Variants in LDAH observed in about 807,000 individuals in gnomAD.
LDAH encodes lipid droplet-associated hydrolase.
Under a neutral mutation model 29.6 loss-of-function variants are expected in LDAH, and 26 were observed. That is an observed-to-expected ratio of 0.88 (90% CI 0.64 to 1.22). LDAH has a LOEUF of 1.22. Ranked by LOEUF, LDAH falls within the 50% of genes most tolerant of loss-of-function variation. LDAH has a pLI of 0.00. For missense variants in LDAH, 344 were observed against 387.3 expected, an observed-to-expected ratio of 0.89 and a Z score of 0.94; for synonymous variants, 117 against 133.0, an observed-to-expected ratio of 0.88 and a Z score of 0.83.
intron 4 of LDAH, among the ~76,000 whole-genome samples, chr2:20,769,167 G>T (rs1197528289): frequency 6.6e-6 from 1 of 152,092 alleles, no homozygotes; most frequent in Admixed American, 6.5e-5. Context: ...AGAATGCACA[G>T]TACCCCCTAG....
chr2:20,759,137 A>T (rs570685767), intron 4 of LDAH, among the ~76,000 whole-genome samples: 2 of 152,174 alleles, frequency 1.3e-5, no homozygotes, highest in Non-Finnish European at 2.9e-5. Context: ...AGAAGCTCCC[A>T]TAACAGTACT....
At position 20,823,085 on chromosome 2, in the gene LDAH, G is replaced by A. The variant is rs1225101399; in HGVS notation, c.-51C>T. 1 of 152,278 alleles carries A rather than the reference G, an allele frequency of 6.6e-6. No homozygotes were observed. Among genetic ancestry groups the A allele is most frequent in the Non-Finnish European group, 1.5e-5 (1 of 68,124 alleles). The allele number at this position is 152,278 out of a possible 1,614,324, so 9.4% of individuals were successfully genotyped here. A position where few individuals can be genotyped will look rare whatever the true frequency, so the allele number is the denominator to read the frequency against. ...CTCTCCCTGAGGGTCCTGGGAAGGCGGCACGAGACCGGAAGTGCCCCCCTC... is the reference window on the plus strand; with the variant it reads ...CTCTCCCTGAGGGTCCTGGGAAGGCAGCACGAGACCGGAAGTGCCCCCCTC... On this transcript the variant is annotated 5_prime_UTR_variant, in exon 1 of 7. Coordinates refer to ENST00000237822, the MANE Select transcript of LDAH (RefSeq NM_021925.4).
rs1663704026 is a variant in LDAH at position 20,698,880 on chromosome 2, G to C, written c.786+2690C>G. 6.6e-6 allele frequency among the ~76,000 whole-genome samples: 1 copy of C among 152,132 alleles called. No homozygotes were observed. Among genetic ancestry groups the C allele is most frequent in the Admixed American group, 6.5e-5 (1 of 15,278 alleles). On this transcript the variant is annotated intron_variant, in intron 6 of 6. Coordinates refer to ENST00000237822, the MANE Select transcript of LDAH (RefSeq NM_021925.4). This position sits in a 1 kb window ranked among gnomAD's most constrained non-coding sequence, Gnocchi z 4.4. ...TAATCAGCTCAACAGATCTTTTAGAGCTAAAAATGCCCATTTTCCTCAAGC... is the reference window on the plus strand; with the variant it reads ...TAATCAGCTCAACAGATCTTTTAGACCTAAAAATGCCCATTTTCCTCAAGC...
chr2:20,777,528 A>G (rs934898242), intron 3 of LDAH, among the ~76,000 whole-genome samples: 2 of 152,092 alleles, frequency 1.3e-5, no homozygotes, highest in Non-Finnish European at 2.9e-5. Context: ...GGGTTCAAGC[A>G]ATTCTCATGA....
chr2:20,790,379 G>T lies in LDAH; in HGVS notation c.174C>A (p.Ala58=). ...FIIPGNPGFS[A]FYVPFAKALY... ...AAGCCTTTGCAAATGGCACATAAAA[G>T]GCAGAAAAACCTGGGTTACCTAAGA... is the stretch of plus-strand genomic sequence containing the variant. The change falls in exon 3 of 7, where the codon GCC becomes GCA. Residue 58 remains alanine (A), a synonymous_variant. Transcript: ENST00000237822. 1.9e-6 allele frequency: 3 copies of T among 1,613,048 alleles called. No individual in the cohort carries two copies. The highest frequency in any genetic ancestry group is 2.5e-6 in the Non-Finnish European group (3 of 1,179,700).
At chr2:20,719,307 T>C (rs1450740121) in intron 5 of LDAH, among the ~76,000 whole-genome samples, 2 of 142,802 alleles carry the variant, frequency 1.4e-5, no homozygotes, top group Non-Finnish European at 3.0e-5. Context: ...AAAGGAAACA[T>C]TACAACTGGT....
chr2:20,701,896 CAG>C (rs1663969280), intron 5 of LDAH, among the ~76,000 whole-genome samples: 1 of 152,198 alleles, frequency 6.6e-6, no homozygotes, highest in South Asian at 2.1e-4. Context: ...AAAAGTTTAA[CAG>C]TGCCACAGCC....
intron 5 of LDAH, among the ~76,000 whole-genome samples, chr2:20,710,777 T>G (rs1664697581): frequency 6.7e-6 from 1 of 150,292 alleles, no homozygotes. Context: ...ATATGACTAT[T>G]TTGTTTTTGG....
chr2:20,742,906 C>A lies in LDAH; in HGVS notation c.469-2701G>T, dbSNP rs183894064. ...TTCTGAGTAGCTGGGGCTACAGGCA[C>A]ACACCACCACGCCTGGCTAATTTTT... On this transcript the variant is annotated intron_variant, in intron 4 of 6. Transcript: ENST00000237822. Among the ~76,000 whole-genome samples the A allele has an allele frequency of 7.8e-3, 1,171 of 150,638 alleles. 18 individuals carry two copies. The highest frequency in any genetic ancestry group is 0.027 in the African/African-American group (1,123 of 40,948).
At chr2:20,704,530 T>C (rs2149359484) in intron 5 of LDAH, among the ~76,000 whole-genome samples, 1 of 152,288 alleles carries the variant, frequency 6.6e-6, no homozygotes, top group South Asian at 2.1e-4. Context: ...TATTTAAAAA[T>C]AATAGTAACT....
intron 4 of LDAH, among the ~76,000 whole-genome samples, chr2:20,770,909 G>C (rs1024411568): frequency 4.6e-5 from 7 of 152,054 alleles, no homozygotes; most frequent in African/African-American, 1.7e-4. Flanking sequence ...TGAAAGATGG[G>C]GCCAGATTGT....
At chr2:20,722,537 T>C (rs1179135092) in intron 5 of LDAH, among the ~76,000 whole-genome samples, 2 of 152,124 alleles carry the variant, frequency 1.3e-5, no homozygotes, top group Non-Finnish European at 2.9e-5. Flanking sequence ...CTGTATTTGA[T>C]AATGCAGTGG....
intron 5 of LDAH, among the ~76,000 whole-genome samples, chr2:20,726,168 C>CA (rs1666000153): frequency 6.6e-6 from 1 of 152,320 alleles, no homozygotes; most frequent in Admixed American, 6.5e-5. Context: ...AACTGCCTAT[C>CA]AGGCTCTGGT....
At position 20,798,764 on chromosome 2, in the gene LDAH, GATA is replaced by G. The variant is rs149537500; in HGVS notation, c.154+2543_154+2545del. On this transcript the variant is annotated intron_variant, in intron 2 of 6. Coordinates refer to ENST00000237822, the MANE Select transcript of LDAH (RefSeq NM_021925.4). The stretch of plus-strand genomic sequence containing the variant: ...TTTTCTTTCATGGAGGAAGACAATA[GATA>G]ACATCTAATATTAAAAACTCAGGAG... 5.7e-3 allele frequency among the ~76,000 whole-genome samples: 869 copies of G among 151,910 alleles called. 9 individuals are homozygous for G. The highest frequency in any genetic ancestry group is 0.02 in the African/African-American group (820 of 41,456).
intron 5 of LDAH, among the ~76,000 whole-genome samples, chr2:20,715,369 T>A (rs1665100961): frequency 6.6e-6 from 1 of 152,168 alleles, no homozygotes; most frequent in East Asian, 1.9e-4. Flanking sequence ...TAGGTATTGA[T>A]GGAACGTATC....
intron 5 of LDAH, among the ~76,000 whole-genome samples, chr2:20,702,137 A>C (rs1012177755): frequency 3.9e-4 from 60 of 152,098 alleles, no homozygotes; most frequent in African/African-American, 1.4e-3. Flanking sequence ...AGTTTTCAAT[A>C]GGGTTAGTCC....
intron 3 of LDAH, among the ~76,000 whole-genome samples, chr2:20,777,001 C>T (rs960076716): frequency 1.3e-5 from 2 of 152,150 alleles, no homozygotes; most frequent in African/African-American, 4.8e-5. Flanking sequence ...GCTTCAGTTT[C>T]CTCATACACA....
intron 5 of LDAH, among the ~76,000 whole-genome samples, chr2:20,722,316 T>C: frequency 7.0e-6 from 1 of 143,696 alleles, no homozygotes; most frequent in East Asian, 2.0e-4. Flanking sequence ...GGAGGCAGAG[T>C]TTGCAGTGAG....
At chr2:20,769,595 G>C (rs1488185902) in intron 4 of LDAH, among the ~76,000 whole-genome samples, 1 of 152,088 alleles carries the variant, frequency 6.6e-6, no homozygotes, top group Non-Finnish European at 1.5e-5. Flanking sequence ...GTATGGATGA[G>C]GTATATTCCT....
Sources: gnomAD v4.1 joint callset for allele counts (sites outside exome capture counted in the v4.1 genomes callset) on GRCh38, gnomAD v4.1.1 for gene constraint, Gnocchi (gnomAD v3.1) non-coding constraint, MANE v1.5 for transcripts, NCBI Gene and HGNC (gene_info 2026-07-23, HGNC 2026-07-21) for gene names.